Variants in AGBL1 observed in about 807,000 individuals in gnomAD.
AGBL1 encodes the protein AGBL carboxypeptidase 1, also known as cytosolic carboxypeptidase 4.
Under a neutral mutation model 118.9 loss-of-function variants are expected in AGBL1, and 130 were observed. That is an observed-to-expected ratio of 1.09 (90% CI 0.95 to 1.26). AGBL1 has a LOEUF of 1.26. Among genes scored for constraint, AGBL1 ranks in the 50% most tolerant of loss-of-function variants. AGBL1 has a pLI of 0.00. For synonymous variants in AGBL1, 555 were observed against 478.9 expected, an observed-to-expected ratio of 1.16 and a Z score of -2.08; for missense variants, 1,584 against 1,298.1, an observed-to-expected ratio of 1.22 and a Z score of -3.38.
intron 22 of AGBL1, among the ~76,000 whole-genome samples, chr15:86,824,147 T>C (rs1456988992): frequency 1.3e-5 from 2 of 151,992 alleles, no homozygotes; most frequent in Non-Finnish European, 2.9e-5. Flanking sequence ...TCCTCCCTAT[T>C]TGCACATAAG....
chr15:86,752,457 T>G lies in AGBL1; in HGVS notation c.3158+78021T>G, dbSNP rs193263853. 1.4e-3 allele frequency among the ~76,000 whole-genome samples: 213 copies of G among 152,240 alleles called. 1 individual carries two copies. Among genetic ancestry groups the G allele is most frequent in the African/African-American group, 5.0e-3 (209 of 41,568 alleles). On this transcript the variant is annotated intron_variant, in intron 22 of 22. Coordinates refer to ENST00000614907, the MANE Select transcript of AGBL1 (RefSeq NM_001386094.1). The stretch of plus-strand genomic sequence containing the variant: ...GGTACAAAAGGGATTTCTAGGTTCT[T>G]CCTGAGGTAATGAGTTTGAGTCTAG...
chr15:86,246,000 C>G (rs1324803236), intron 6 of AGBL1, among the ~76,000 whole-genome samples: 1 of 152,188 alleles, frequency 6.6e-6, no homozygotes, highest in Admixed American at 6.5e-5. Flanking sequence ...ATTCTCCTGC[C>G]TCAGTCTCCC....
At chr15:86,774,725 G>A (rs958274427) in intron 22 of AGBL1, among the ~76,000 whole-genome samples, 2 of 152,006 alleles carry the variant, frequency 1.3e-5, no homozygotes, top group African/African-American at 4.8e-5. Flanking sequence ...ACAAAGTATG[G>A]TGTTCTGAGA....
Position 86,511,849 on chromosome 15 carries a change from A to T in AGBL1, c.2556-10961A>T, listed in dbSNP as rs75349728. Among the ~76,000 whole-genome samples, 321 of 152,094 alleles carry T rather than the reference A, an allele frequency of 2.1e-3. 6 individuals carry two copies. In the East Asian group the frequency reaches 0.056, roughly 26 times the overall value. ...TCATTTATTTTTCCCGTGTGATAGG[A>T]GCTTTCAATATTAAATGAAATATAT... On this transcript the variant is annotated intron_variant, in intron 18 of 22. Transcript: ENST00000614907.
chr15:86,326,020 A>G (rs2080178004), intron 17 of AGBL1, among the ~76,000 whole-genome samples: 1 of 152,158 alleles, frequency 6.6e-6, no homozygotes, highest in Non-Finnish European at 1.5e-5. Flanking sequence ...TAAGTCTTTA[A>G]TAGACAATAA....
intron 24 of AGBL1, among the ~76,000 whole-genome samples, chr15:87,012,522 G>A (rs1304537466): frequency 1.3e-5 from 2 of 152,016 alleles, no homozygotes; most frequent in Non-Finnish European, 2.9e-5. Context: ...ACAGTCACCT[G>A]GTAAGAGGAA....
intron 23 of AGBL1, among the ~76,000 whole-genome samples, chr15:86,955,600 T>C (rs950304389): frequency 2.0e-5 from 3 of 151,992 alleles, no homozygotes; most frequent in East Asian, 3.9e-4. Flanking sequence ...TTCTGACAAG[T>C]ATGATTAAGA....
chr15:86,760,381 G>T (rs528863502), intron 22 of AGBL1, among the ~76,000 whole-genome samples: 2 of 152,072 alleles, frequency 1.3e-5, no homozygotes, highest in East Asian at 3.9e-4. Flanking sequence ...CTCCACACCC[G>T]CATTCTCCTA....
intron 22 of AGBL1, among the ~76,000 whole-genome samples, chr15:86,707,942 G>A (rs189444417): frequency 5.8e-4 from 89 of 152,152 alleles, no homozygotes; most frequent in African/African-American, 2.0e-3. Context: ...TAGAGGGAGC[G>A]GGGAGGTCCA....
At chr15:86,632,090 C>T (rs960306053) in intron 21 of AGBL1, among the ~76,000 whole-genome samples, 3 of 151,356 alleles carry the variant, frequency 2.0e-5, no homozygotes, top group East Asian at 2.0e-4. Context: ...CCTAGGGAGA[C>T]CCTGTCTCCA....
At chr15:86,853,927 A>G (rs1165284840) in intron 22 of AGBL1, among the ~76,000 whole-genome samples, 1 of 152,144 alleles carries the variant, frequency 6.6e-6, no homozygotes, top group Non-Finnish European at 1.5e-5. Context: ...TTTCTGCCAG[A>G]TGATAAAGGT....
chr15:86,108,729 C>T (rs1006380616), intron 1 of AGBL1, among the ~76,000 whole-genome samples: 24 of 152,134 alleles, frequency 1.6e-4, no homozygotes, highest in African/African-American at 4.6e-4. Context: ...GAGGCCGAGA[C>T]GGGCGGATCA....
chr15:86,626,120 A>G (rs746620111), intron 21 of AGBL1, among the ~76,000 whole-genome samples: 4 of 152,176 alleles, frequency 2.6e-5, no homozygotes, highest in Non-Finnish European at 5.9e-5. Flanking sequence ...AGTCCTAAAG[A>G]CAGAAATACC....
At chr15:86,289,761 C>A (rs144428217) in intron 16 of AGBL1, among the ~76,000 whole-genome samples, 4 of 152,136 alleles carry the variant, frequency 2.6e-5, no homozygotes, top group Non-Finnish European at 5.9e-5. Flanking sequence ...CTTATAAGGA[C>A]CTTTGTCATT....
chr15:86,565,070 G>T (rs542419994), intron 21 of AGBL1, among the ~76,000 whole-genome samples: 1 of 152,276 alleles, frequency 6.6e-6, no homozygotes, highest in South Asian at 2.1e-4. Flanking sequence ...TTTGCGATGG[G>T]TTTGAATTTC....
intron 17 of AGBL1, among the ~76,000 whole-genome samples, chr15:86,317,546 G>A (rs2080034198): frequency 6.6e-6 from 1 of 152,186 alleles, no homozygotes; most frequent in African/African-American, 2.4e-5. Context: ...TGAACACCAT[G>A]CACAATGAGG....
chr15:87,004,660 T>G (rs1030274845), intron 24 of AGBL1, among the ~76,000 whole-genome samples: 2 of 152,220 alleles, frequency 1.3e-5, no homozygotes, highest in Non-Finnish European at 2.9e-5. Context: ...AGTCTGTGTC[T>G]TTCAATTGGA....
At chr15:86,428,831 T>G (rs2081898631) in intron 18 of AGBL1, among the ~76,000 whole-genome samples, 3 of 152,210 alleles carry the variant, frequency 2.0e-5, no homozygotes, top group African/African-American at 7.2e-5. Context: ...TCTTGCTTTG[T>G]GAGTAAATAA....
chr15:86,985,567 A>G (rs192302712), intron 23 of AGBL1, among the ~76,000 whole-genome samples: 3 of 152,088 alleles, frequency 2.0e-5, no homozygotes. Flanking sequence ...GATTTTACCC[A>G]TGTTATATTG....
Sources: gnomAD v4.1 joint callset for allele counts (sites outside exome capture counted in the v4.1 genomes callset) on GRCh38, gnomAD v4.1.1 for gene constraint, MANE v1.5 for transcripts, NCBI Gene and HGNC (gene_info 2026-07-23, HGNC 2026-07-21) for gene names.